The following SNX30 variants were observed in gnomAD, a reference collection of about 807,000 sequenced individuals.
SNX30 encodes sorting nexin family member 30, also known as sorting nexin-30.
SNX30 carries 24 observed loss-of-function variants against 46.4 expected under a neutral mutation model. The observed-to-expected ratio is 0.52, with a 90% CI of 0.37 to 0.73. SNX30 has a LOEUF of 0.73. SNX30 is among the 30% of genes least tolerant of loss of function. The probability of loss-of-function intolerance (pLI) is 0.00; values close to 1 mark genes in which losing one functional copy is unlikely to be tolerated. For missense variants in SNX30, 533 were observed against 555.7 expected (o/e 0.96, Z 0.41); for synonymous variants, 189 against 211.5 (o/e 0.89, Z 0.92).
chr9:112,837,893 T>C (rs12552092), intron 5 of SNX30, among the ~76,000 whole-genome samples: 21,604 of 140,708 alleles, frequency 0.15, 1,858 homozygotes, highest in Non-Finnish European at 0.19. Context: ...TTTTCTTTTT[T>C]TTTTTTTTTT....
Position 112,787,941 on chromosome 9 carries a change from C to T in SNX30, c.157-16835C>T, listed in dbSNP as rs550452422. 9.9e-4 allele frequency among the ~76,000 whole-genome samples: 151 copies of T among 151,950 alleles called. 1 individual carries two copies. Among genetic ancestry groups the T allele is most frequent in the Non-Finnish European group, 1.7e-3 (114 of 67,998 alleles). On this transcript the variant is annotated intron_variant, in intron 1 of 8. Transcript: ENST00000374232. ...CCTCCCGAGTAGCTGGGACTACAGA[C>T]GCATGCCACCACACCTGGCTAATTT...
intron 1 of SNX30, among the ~76,000 whole-genome samples, chr9:112,759,467 C>T (rs1839404604): frequency 6.6e-6 from 1 of 152,090 alleles, no homozygotes; most frequent in African/African-American, 2.4e-5. Flanking sequence ...TGGTGGCTCA[C>T]GCTTGTAATC....
intron 2 of SNX30, among the ~76,000 whole-genome samples, chr9:112,807,050 A>G (rs1432955788): frequency 3.6e-5 from 2 of 56,040 alleles, no homozygotes; most frequent in African/African-American, 1.4e-4. Context: ...TTTCTTTTCT[A>G]TCTTTTTTTT....
At chr9:112,782,473 C>T (rs1839861098) in intron 1 of SNX30, among the ~76,000 whole-genome samples, 1 of 152,212 alleles carries the variant, frequency 6.6e-6, no homozygotes. Context: ...ATACTGTGGC[C>T]ACAGACTGTT....
At chr9:112,768,263 G>C (rs140268080) in intron 1 of SNX30, among the ~76,000 whole-genome samples, 1 of 152,080 alleles carries the variant, frequency 6.6e-6, no homozygotes. Context: ...TTTCCCACCC[G>C]TGCTAAGCTC....
At chr9:112,861,749 T>C (rs948657748) in intron 7 of SNX30, among the ~76,000 whole-genome samples, 1 of 152,100 alleles carries the variant, frequency 6.6e-6, no homozygotes, top group Admixed American at 6.5e-5. Flanking sequence ...GTGTCTTCTC[T>C]CCTCTGTCCC....
chr9:112,763,677 C>T (rs970304675), intron 1 of SNX30, among the ~76,000 whole-genome samples: 3 of 151,656 alleles, frequency 2.0e-5, no homozygotes, highest in Non-Finnish European at 2.9e-5. Context: ...GGTGAAACCA[C>T]GTCTCTACTA....
intron 8 of SNX30, among the ~76,000 whole-genome samples, chr9:112,864,946 T>C (rs1229616492): frequency 6.6e-6 from 1 of 151,996 alleles, no homozygotes; most frequent in Non-Finnish European, 1.5e-5. Flanking sequence ...CTTTTACTCA[T>C]GGATCCCCTT....
intron 1 of SNX30, among the ~76,000 whole-genome samples, chr9:112,796,495 C>T (rs1470965008): frequency 2.0e-5 from 3 of 152,142 alleles, no homozygotes; most frequent in Non-Finnish European, 4.4e-5. Flanking sequence ...TGTAGTTGGA[C>T]TCTGCAGTCA....
chr9:112,770,919 C>T (rs1839638062), intron 1 of SNX30, among the ~76,000 whole-genome samples: 1 of 152,110 alleles, frequency 6.6e-6, no homozygotes, highest in South Asian at 2.1e-4. Context: ...TCTCTTGAAC[C>T]CAGGAGGCAG....
downstream of SNX30, chr9:112,879,986 C>A (rs1841558051): frequency 1.8e-6 from 1 of 548,566 alleles, no homozygotes; most frequent in Non-Finnish European, 3.3e-6. Flanking sequence ...CCTGCAGCTG[C>A]TAGCTAAAAG....
At chr9:112,883,752 C>T (rs537461698), downstream of SNX30, among the ~76,000 whole-genome samples, 226 of 146,692 alleles carry the variant, frequency 1.5e-3, no homozygotes, top group Admixed American at 2.7e-3. Flanking sequence ...GGCTGGAGTG[C>T]AGTGGCACGA....
intron 4 of SNX30, among the ~76,000 whole-genome samples, chr9:112,832,015 G>A (rs1840666372): frequency 6.6e-6 from 1 of 152,162 alleles, no homozygotes; most frequent in Non-Finnish European, 1.5e-5. Context: ...TTGGGAAATA[G>A]CTATAGATAA....
At chr9:112,838,461 C>G (rs1564287251) in intron 5 of SNX30, 37 bp from the exon 6 acceptor site, 14 of 1,563,916 alleles carry the variant, frequency 9.0e-6, no homozygotes, top group Non-Finnish European at 1.1e-5. Flanking sequence ...CAACTGCTAC[C>G]CAGCCAGATT....
chr9:112,830,413 A>G (rs1840643485), intron 3 of SNX30, among the ~76,000 whole-genome samples: 2 of 151,662 alleles, frequency 1.3e-5, no homozygotes, highest in African/African-American at 2.4e-5. Context: ...TCTTCTTGCC[A>G]TAACTTTTCC....
intron 1 of SNX30, among the ~76,000 whole-genome samples, chr9:112,777,854 C>A (rs1839775639): frequency 6.6e-6 from 1 of 152,086 alleles, no homozygotes; most frequent in African/African-American, 2.4e-5. Context: ...ATCTTTTACC[C>A]CTCATTTGCT....
intron 1 of SNX30, among the ~76,000 whole-genome samples, chr9:112,773,296 A>G (rs1361719): frequency 0.87 from 132,450 of 151,850 alleles, 57,958 homozygotes; most frequent in Middle Eastern, 0.91. Context: ...ATAGCTTAAT[A>G]AGGTTATGTA....
chr9:112,834,116 A>G (rs1840712011), intron 4 of SNX30, among the ~76,000 whole-genome samples: 2 of 146,474 alleles, frequency 1.4e-5, no homozygotes, highest in Non-Finnish European at 3.0e-5. Flanking sequence ...TCAGGCAACA[A>G]CAGTTGTCAT....
chr9:112,751,485 C>T (rs1195876197), intron 1 of SNX30, among the ~76,000 whole-genome samples: 1 of 152,210 alleles, frequency 6.6e-6, no homozygotes, highest in East Asian at 1.9e-4. Flanking sequence ...CCGAGTTCCT[C>T]CAGGTGCATC....
Sources: gnomAD v4.1 joint callset for allele counts (sites outside exome capture counted in the v4.1 genomes callset) on GRCh38, gnomAD v4.1.1 for gene constraint, MANE v1.5 for transcripts, NCBI Gene and HGNC (gene_info 2026-07-23, HGNC 2026-07-21) for gene names.